PTPRG: variants seen among roughly 807,000 people sequenced by gnomAD.
PTPRG encodes the protein receptor-type tyrosine-protein phosphatase gamma.
PTPRG carries 102 observed loss-of-function variants against 165.3 expected under a neutral mutation model. The observed-to-expected ratio is 0.62, with a 90% CI of 0.53 to 0.73. PTPRG has a LOEUF of 0.73. PTPRG is among the 30% of genes least tolerant of loss of function. PTPRG has a pLI of 0.00. For missense variants in PTPRG, 1,866 were observed against 1,861.4 expected (o/e 1.00, Z -0.05); for synonymous variants, 675 against 669.5 (o/e 1.01, Z -0.13).
chr3:61,884,176 C>G (rs931908789), intron 2 of PTPRG, among the ~76,000 whole-genome samples: 1 of 151,938 alleles, frequency 6.6e-6, no homozygotes. Context: ...GTTTCTTTAT[C>G]CCCCTTTCGA....
At chr3:61,685,236 C>T (rs1190931832) in intron 1 of PTPRG, among the ~76,000 whole-genome samples, 1 of 152,230 alleles carries the variant, frequency 6.6e-6, no homozygotes, top group African/African-American at 2.4e-5. Flanking sequence ...GACAAGGAAA[C>T]TGGCCTGTGC....
At chr3:61,672,732 T>G (rs1330694639) in intron 1 of PTPRG, among the ~76,000 whole-genome samples, 1 of 43,198 alleles carries the variant, frequency 2.3e-5, no homozygotes, top group Non-Finnish European at 4.5e-5. Context: ...AGGGAGACTG[T>G]GGGGAGAGGG....
intron 2 of PTPRG, among the ~76,000 whole-genome samples, chr3:61,779,968 A>G (rs540585466): frequency 7.9e-5 from 12 of 152,190 alleles, no homozygotes; most frequent in Non-Finnish European, 1.2e-4. Context: ...CTACTCCTCT[A>G]TTGTTTCCTG....
intron 2 of PTPRG, among the ~76,000 whole-genome samples, chr3:61,873,744 A>C (rs1254555072): frequency 6.6e-6 from 1 of 152,110 alleles, no homozygotes; most frequent in Non-Finnish European, 1.5e-5. Context: ...GCTCTCTGGT[A>C]TAAGAAAAAC....
At chr3:61,966,398 A>G (rs1237899823) in intron 2 of PTPRG, among the ~76,000 whole-genome samples, 2 of 152,132 alleles carry the variant, frequency 1.3e-5, no homozygotes, top group Non-Finnish European at 2.9e-5. Context: ...GGGAATGTCA[A>G]GAAGGCCAAG....
intron 2 of PTPRG, among the ~76,000 whole-genome samples, chr3:61,972,826 AT>A (rs35221319): frequency 0.69 from 99,055 of 144,422 alleles, 34,754 homozygotes; most frequent in East Asian, 0.96. Flanking sequence ...CTAATTTTTA[AT>A]TTTTTTTTTT....
At chr3:61,848,575 T>C (rs2036871574) in intron 2 of PTPRG, among the ~76,000 whole-genome samples, 1 of 152,244 alleles carries the variant, frequency 6.6e-6, no homozygotes, top group Non-Finnish European at 1.5e-5. Flanking sequence ...CTTGCAAATG[T>C]ATTTTATCTT....
In PTPRG at chr3:62,267,782, T is replaced by G. The variant is rs762291087; in HGVS notation, c.2837T>G (p.Ile946Ser). ...ATGATTTGGGAACAAAACACTGGAA[T>G]CATTGTGATGATTACGAACCTTGTG... Reference protein sequence around the residue: ...WRMIWEQNTGIIVMITNLVEK... With the variant: ...WRMIWEQNTGSIVMITNLVEK... The change falls in exon 19 of 30, where the codon ATC (isoleucine) becomes AGC (serine). Residue 946 changes from isoleucine (I) to serine (S), a missense_variant. Coordinates refer to ENST00000474889, the MANE Select transcript of PTPRG (RefSeq NM_002841.4). 1 of 1,613,560 alleles carries G rather than the reference T, an allele frequency of 6.2e-7. No homozygotes were observed.
In PTPRG at chr3:62,282,744, A is replaced by C; in HGVS notation, c.3930A>C (p.Glu1310Asp). Residue 1310 changes from glutamate (E) to aspartate (D), a missense_variant, in exon 28 of 30, where the codon GAA becomes GAC. Glu to Asp is a conservative substitution (Grantham distance 45). This residue lies in a region of PTPRG where 1,452 missense variants were observed against 1,463.0 expected (regional missense o/e 0.99). Transcript: ENST00000474889. Reference sequence around the variant, plus strand: ...GGTTACAGGATGACTATGTCTTAGAAGTTCGGCACTTTCAGTGTCCCAAAT... The same window carrying C: ...GGTTACAGGATGACTATGTCTTAGACGTTCGGCACTTTCAGTGTCCCAAAT... Reference protein sequence around the residue: ...LEATQDDYVLEVRHFQCPKWP... With the variant: ...LEATQDDYVLDVRHFQCPKWP... 1 of 1,611,764 alleles carries C rather than the reference A, an allele frequency of 6.2e-7. No individual in the cohort carries two copies. The highest frequency in any genetic ancestry group is 8.5e-7 in the Non-Finnish European group (1 of 1,178,970).
At chr3:62,239,363 T>TC (rs1368444995) in intron 14 of PTPRG, among the ~76,000 whole-genome samples, 1 of 145,434 alleles carries the variant, frequency 6.9e-6, no homozygotes, top group East Asian at 2.0e-4. Flanking sequence ...TTTCTTTCTT[T>TC]TTTTTTTTTT....
chr3:61,948,378 C>A (rs1310931671), intron 2 of PTPRG, among the ~76,000 whole-genome samples: 2 of 152,098 alleles, frequency 1.3e-5, no homozygotes. Context: ...GTCATTCACT[C>A]CCTCATCCTT....
At chr3:62,140,525 T>C (rs1221203796) in intron 6 of PTPRG, among the ~76,000 whole-genome samples, 3 of 152,084 alleles carry the variant, frequency 2.0e-5, no homozygotes, top group East Asian at 1.9e-4. Flanking sequence ...ATCCACAAAA[T>C]TAATCCATAG....
At chr3:62,003,750 C>T (rs1406553605) in intron 4 of PTPRG, among the ~76,000 whole-genome samples, 1 of 152,190 alleles carries the variant, frequency 6.6e-6, no homozygotes, top group African/African-American at 2.4e-5. Context: ...TGATGTTCAT[C>T]ATGTGTTTCA....
At chr3:61,765,541 T>G (rs1391258143) in intron 2 of PTPRG, among the ~76,000 whole-genome samples, 1 of 152,044 alleles carries the variant, frequency 6.6e-6, no homozygotes, top group African/African-American at 2.4e-5. Flanking sequence ...CTGAGAAAAT[T>G]TATAGTTACC....
At chr3:61,889,802 C>G (rs575812353) in intron 2 of PTPRG, among the ~76,000 whole-genome samples, 1 of 152,248 alleles carries the variant, frequency 6.6e-6, no homozygotes, top group Non-Finnish European at 1.5e-5. Context: ...TGTGTATTTT[C>G]TTCTTGTTAT....
chr3:62,089,647 G>T (rs1362598027), intron 5 of PTPRG, among the ~76,000 whole-genome samples: 1 of 152,112 alleles, frequency 6.6e-6, no homozygotes, highest in East Asian at 1.9e-4. Context: ...TCCCCGTTTG[G>T]GGTCTGTTGG....
chr3:62,243,931 C>G (rs1701226496), intron 15 of PTPRG, 33 bp downstream of exon 15: 1 of 1,263,202 alleles, frequency 7.9e-7, no homozygotes. Context: ...TTCCAATGGG[C>G]TAATTGTTTT....
intron 2 of PTPRG, among the ~76,000 whole-genome samples, chr3:61,814,885 C>G (rs1024149702): frequency 6.6e-6 from 1 of 151,742 alleles, no homozygotes; most frequent in Non-Finnish European, 1.5e-5. Context: ...GCAACTCTAT[C>G]AGGAAGCTAG....
At chr3:62,259,296 C>T (rs1701625291) in intron 16 of PTPRG, among the ~76,000 whole-genome samples, 1 of 152,170 alleles carries the variant, frequency 6.6e-6, no homozygotes, top group South Asian at 2.1e-4. Context: ...AGAAAATGAG[C>T]CTGTAGGCAG....
Sources: allele counts gnomAD v4.1 joint callset (sites outside exome capture counted in the v4.1 genomes callset), GRCh38; gene constraint gnomAD v4.1.1; regional missense constraint gnomAD v4.1.1; transcripts MANE v1.5; gene names NCBI Gene and HGNC (gene_info 2026-07-23, HGNC 2026-07-21).